MRPL18: variants seen among roughly 807,000 people sequenced by gnomAD.
MRPL18 encodes mitochondrial ribosomal protein L18, also known as large ribosomal subunit protein uL18m.
A neutral mutation model predicts 20.9 loss-of-function variants in MRPL18; 16 were observed. That is an observed-to-expected ratio of 0.76 (90% CI 0.52 to 1.16). The LOEUF (loss-of-function observed/expected upper bound fraction) is 1.16, where lower values mean the gene tolerates loss of function less well. Ranked by LOEUF, MRPL18 falls within the 50% of genes most tolerant of loss-of-function variation. The pLI, the probability that MRPL18 is intolerant of heterozygous loss-of-function variation, is 0.00. For synonymous variants in MRPL18, 91 were observed against 87.1 expected, an observed-to-expected ratio of 1.04 and a Z score of -0.25; for missense variants, 233 against 230.6, an observed-to-expected ratio of 1.01 and a Z score of -0.07.
chr6:159,790,239 A>G (rs577304524), upstream of MRPL18, among the ~76,000 whole-genome samples: 11 of 152,146 alleles, frequency 7.2e-5, no homozygotes, highest in Admixed American at 7.2e-4. Context: ...TGACCGCCCA[A>G]GCTCTCCGAG....
intron 2 of MRPL18, among the ~76,000 whole-genome samples, chr6:159,791,595 G>T (rs1406541448): frequency 2.0e-5 from 3 of 152,166 alleles, no homozygotes; most frequent in African/African-American, 7.2e-5. Flanking sequence ...GCTTGAGCCC[G>T]AATTGGTTTT....
chr6:159,791,242 G>C lies in MRPL18; in HGVS notation c.239+116G>C. 2.4e-6 allele frequency: 3 copies of C among 1,237,414 alleles called. No individual in the cohort carries two copies. In the South Asian group the frequency reaches 4.4e-5, roughly 18 times the overall value. The allele number at this position is 1,237,414 out of a possible 1,614,324, so 76.7% of individuals were successfully genotyped here. On this transcript the variant is annotated intron_variant, in intron 2 of 3. Transcript: ENST00000367034. The stretch of plus-strand genomic sequence containing the variant: ...CATGCGGCGGGTAGAGGCAGGGTTC[G>C]CGGAGGGGCTGGAACAAACAACAAA...
intron 2 of MRPL18, among the ~76,000 whole-genome samples, chr6:159,793,481 AC>A (rs1780956113): frequency 6.6e-6 from 1 of 152,216 alleles, no homozygotes; most frequent in African/African-American, 2.4e-5. Context: ...TCATTTGTTT[AC>A]GCATCACCTG....
rs768222993 is a variant in MRPL18 at position 159,790,541 on chromosome 6, C to G, written c.-47C>G. 1 of 1,613,554 alleles carries G rather than the reference C, an allele frequency of 6.2e-7. No homozygotes were observed. Among genetic ancestry groups the G allele is most frequent in the South Asian group, 1.1e-5 (1 of 91,064 alleles). ...GGCTGCTCCTGGCGAGCGACTGAGT[C>G]GTCCGTGAGGAAAAAGAGGCGAGGC... On this transcript the variant is annotated 5_prime_UTR_variant, in exon 1 of 4. Coordinates refer to ENST00000367034, the MANE Select transcript of MRPL18 (RefSeq NM_014161.5).
intron 2 of MRPL18, among the ~76,000 whole-genome samples, chr6:159,793,028 T>C (rs56108322): frequency 0.47 from 71,068 of 150,738 alleles, 17,840 homozygotes; most frequent in Non-Finnish European, 0.55. Flanking sequence ...GGGGTTTTGC[T>C]GCTGCCCAGG....
chr6:159,797,574 G>A, intron 3 of MRPL18, 56 bp downstream of exon 3: 1 of 1,492,582 alleles, frequency 6.7e-7, no homozygotes, highest in African/African-American at 1.4e-5. Flanking sequence ...CTTGGCATTA[G>A]ATAACTTACA....
chr6:159,792,006 T>G (rs922751061), intron 2 of MRPL18, among the ~76,000 whole-genome samples: 1 of 152,250 alleles, frequency 6.6e-6, no homozygotes, highest in African/African-American at 2.4e-5. Context: ...TAAAGGTGGT[T>G]GTTTAATGAA....
At chr6:159,793,096 G>A (rs567633574) in intron 2 of MRPL18, among the ~76,000 whole-genome samples, 135 of 152,060 alleles carry the variant, frequency 8.9e-4, no homozygotes, top group African/African-American at 3.2e-3. Context: ...CAAGGTGCTG[G>A]GATTACAGAC....
intron 2 of MRPL18, among the ~76,000 whole-genome samples, chr6:159,793,636 G>A (rs370989260): frequency 1.8e-4 from 28 of 152,242 alleles, no homozygotes; most frequent in African/African-American, 6.7e-4. Context: ...TTGGCCGGGC[G>A]CGGTGGCTCA....
Position 159,798,038 on chromosome 6 carries a change from A to AT in MRPL18, c.472-10dup, listed in dbSNP as rs1413061944. ...ACTTAATCTTTTCCTTTTTTTTCTG[A>AT]TTTTCAAAACCAGATGAAACGACTA... On this transcript the variant is annotated splice_polypyrimidine_tract_variant and intron_variant, in intron 3 of 3. Coordinates refer to ENST00000367034, the MANE Select transcript of MRPL18 (RefSeq NM_014161.5). The AT allele has an allele frequency of 4.4e-6, 7 of 1,607,696 alleles. No homozygotes were observed. The highest frequency in any genetic ancestry group is 2.2e-5 in the East Asian group (1 of 44,798).
chr6:159,790,751 G>A (rs1780859037), intron 1 of MRPL18, 112 bp downstream of exon 1: 58 of 1,477,332 alleles, frequency 3.9e-5, no homozygotes, highest in Non-Finnish European at 5.3e-5. Flanking sequence ...TAGAGCTCGC[G>A]GCACTGCGAA....
intron 3 of MRPL18, 23 bp from the exon 4 acceptor site, chr6:159,798,029 T>C: frequency 6.2e-7 from 1 of 1,607,460 alleles, no homozygotes. Context: ...TCTTTTCCTT[T>C]TTTTTCTGAT....
At chr6:159,791,203 T>C (rs1054562026) in intron 2 of MRPL18, 77 bp downstream of exon 2, 1 of 1,532,514 alleles carries the variant, frequency 6.5e-7, no homozygotes, top group African/African-American at 1.4e-5. Context: ...CCAGGCACTC[T>C]CCCAGGTAGC....
chr6:159,794,729 T>C (rs568665082), intron 2 of MRPL18, among the ~76,000 whole-genome samples: 1 of 152,362 alleles, frequency 6.6e-6, no homozygotes, highest in African/African-American at 2.4e-5. Flanking sequence ...GCTTTGCCTA[T>C]TAAGTTATGA....
chr6:159,790,884 G>GTGCGCTGTCCA, intron 1 of MRPL18, 56 bp from the exon 2 acceptor site: 5 of 1,595,350 alleles, frequency 3.1e-6, no homozygotes, highest in Middle Eastern at 1.7e-4. Flanking sequence ...GAGCGGGTTC[G>GTGCGCTGTCCA]TGCGCTGTCC....
rs1780886417 is a variant in MRPL18 at position 159,791,195 on chromosome 6, A to G, written c.239+69A>G. 7.0e-6 allele frequency: 11 copies of G among 1,560,398 alleles called. No homozygotes were observed. In the South Asian group the frequency reaches 1.3e-4, roughly 18 times the overall value. ...AGACTATTTTCATTCATTCAACTCC[A>G]GGCACTCTCCCAGGTAGCTGCCATG... On this transcript the variant is annotated intron_variant, in intron 2 of 3. Coordinates refer to ENST00000367034, the MANE Select transcript of MRPL18 (RefSeq NM_014161.5).
chr6:159,798,026 C>T (rs1320168339), intron 3 of MRPL18, 26 bp from the exon 4 acceptor site: 1 of 1,596,318 alleles, frequency 6.3e-7, no homozygotes, highest in Non-Finnish European at 8.6e-7. Context: ...TAATCTTTTC[C>T]TTTTTTTTCT....
chr6:159,791,267 A>C, intron 2 of MRPL18, 141 bp downstream of exon 2: 3 of 892,926 alleles, frequency 3.4e-6, no homozygotes, highest in Non-Finnish European at 3.4e-6. Flanking sequence ...CAAACAACAA[A>C]TAGGTGTGAT....
chr6:159,793,876 C>A lies in MRPL18; in HGVS notation c.239+2750C>A, dbSNP rs183849510. Among the ~76,000 whole-genome samples the A allele has an allele frequency of 1.0e-2, 1,509 of 151,378 alleles. 23 individuals carry two copies. Among genetic ancestry groups the A allele is most frequent in the Middle Eastern group, 0.031 (9 of 292 alleles). On this transcript the variant is annotated intron_variant, in intron 2 of 3. Coordinates refer to ENST00000367034, the MANE Select transcript of MRPL18 (RefSeq NM_014161.5). ...GCAGTGAGCCGAGATCGCGCCACTG[C>A]ACTCCAGCCTGGGCAACAGACTGAG...
Sources: gnomAD v4.1 joint callset for allele counts (sites outside exome capture counted in the v4.1 genomes callset) on GRCh38, gnomAD v4.1.1 for gene constraint, MANE v1.5 for transcripts, NCBI Gene and HGNC (gene_info 2026-07-23, HGNC 2026-07-21) for gene names.